CSMD1: variants seen among roughly 807,000 people sequenced by gnomAD.
CSMD1 encodes CUB and Sushi multiple domains 1.
A neutral mutation model predicts 417.5 loss-of-function variants in CSMD1; 213 were observed. The ratio of observed to expected loss-of-function variants is 0.51; its 90% confidence interval spans 0.46 to 0.57. CSMD1 has a LOEUF of 0.57. Among genes scored for constraint, CSMD1 ranks in the 20% least tolerant of loss-of-function variants. The probability of loss-of-function intolerance (pLI) is 0.00; values close to 1 mark genes in which losing one functional copy is unlikely to be tolerated. For missense variants in CSMD1, 6,923 were observed against 4,529.7 expected, an observed-to-expected ratio of 1.53 and a Z score of -15.17; for synonymous variants, 2,862 against 1,736.8, an observed-to-expected ratio of 1.65 and a Z score of -16.11.
intron 12 of CSMD1, among the ~76,000 whole-genome samples, chr8:3,433,156 T>C (rs993350044): frequency 7.2e-5 from 11 of 152,238 alleles, no homozygotes; most frequent in African/African-American, 2.2e-4. Context: ...GGTGGGATTC[T>C]GAAGAAACAA....
intron 2 of CSMD1, among the ~76,000 whole-genome samples, chr8:4,454,994 G>A (rs538346610): frequency 3.9e-5 from 6 of 152,200 alleles, no homozygotes; most frequent in Middle Eastern, 3.4e-3. Flanking sequence ...TAGGAGAAGG[G>A]CTCCTGTGTG....
chr8:3,054,503 A>G (rs773819256), intron 49 of CSMD1, among the ~76,000 whole-genome samples: 2 of 152,208 alleles, frequency 1.3e-5, no homozygotes, highest in Non-Finnish European at 2.9e-5. Flanking sequence ...CTGTTGTCCC[A>G]GCTACTCAGG....
intron 6 of CSMD1, among the ~76,000 whole-genome samples, chr8:3,709,968 A>G (rs567021025): frequency 6.6e-6 from 1 of 151,596 alleles, no homozygotes; most frequent in South Asian, 2.1e-4. Context: ...CAACCCCCAC[A>G]CACAGCTGAA....
intron 3 of CSMD1, among the ~76,000 whole-genome samples, chr8:4,324,174 TA>T (rs1349562517): frequency 2.0e-5 from 3 of 152,192 alleles, no homozygotes; most frequent in Non-Finnish European, 4.4e-5. Flanking sequence ...GGAAATAGTA[TA>T]AAAAATATAG....
Position 3,928,845 on chromosome 8 carries a change from C to G in CSMD1, c.818+69058G>C, listed in dbSNP as rs534961711. 2.7e-4 allele frequency among the ~76,000 whole-genome samples: 37 copies of G among 139,526 alleles called. 2 individuals are homozygous for G. The highest frequency in any genetic ancestry group is 9.0e-4 in the African/African-American group (34 of 37,800). The allele number at this position is 139,526 out of a possible 152,430, so 91.5% of individuals were successfully genotyped here. A position where few individuals can be genotyped will look rare whatever the true frequency, so the allele number is the denominator to read the frequency against. ...CCACCTACCCCAGGTCATGCTGTCACTATACAAGGGTAGGAGAAATGTCAT... is the reference window on the plus strand; with the variant it reads ...CCACCTACCCCAGGTCATGCTGTCAGTATACAAGGGTAGGAGAAATGTCAT... On this transcript the variant is annotated intron_variant, in intron 5 of 69. Coordinates refer to ENST00000635120, the MANE Select transcript of CSMD1 (RefSeq NM_033225.6).
chr8:3,730,997 G>C (rs763702644), intron 6 of CSMD1, among the ~76,000 whole-genome samples: 2 of 152,146 alleles, frequency 1.3e-5, no homozygotes, highest in Non-Finnish European at 2.9e-5. Flanking sequence ...CAAAATTACA[G>C]ATAAAAGTGA....
chr8:4,668,035 C>T (rs1336669702), intron 1 of CSMD1, among the ~76,000 whole-genome samples: 5 of 152,088 alleles, frequency 3.3e-5, no homozygotes, highest in Non-Finnish European at 5.9e-5. Context: ...CATGAAATAC[C>T]TCATCTCTTA....
intron 50 of CSMD1, among the ~76,000 whole-genome samples, chr8:3,034,056 C>T (rs1019120523): frequency 3.9e-5 from 6 of 152,242 alleles, no homozygotes; most frequent in Admixed American, 3.3e-4. Flanking sequence ...CTTTTTCTAT[C>T]AGTGCTGCTG....
intron 1 of CSMD1, among the ~76,000 whole-genome samples, chr8:4,977,950 C>T (rs1810660774): frequency 1.3e-5 from 2 of 152,206 alleles, no homozygotes. Flanking sequence ...CTATTTGTTG[C>T]TGAGGGTCCT....
intron 5 of CSMD1, among the ~76,000 whole-genome samples, chr8:3,848,740 C>G (rs1407325554): frequency 1.3e-5 from 2 of 152,056 alleles, no homozygotes; most frequent in East Asian, 1.9e-4. Context: ...TTAGGTGGTC[C>G]TGAACTACAT....
chr8:3,828,786 C>A (rs1303848489), intron 5 of CSMD1, among the ~76,000 whole-genome samples: 3 of 152,144 alleles, frequency 2.0e-5, no homozygotes, highest in Admixed American at 1.3e-4. Flanking sequence ...TCCCAAGCAT[C>A]CTTCCACTGC....
chr8:3,709,690 T>TTGTTTTTTTTG (rs1801392407), intron 6 of CSMD1, among the ~76,000 whole-genome samples: 1 of 118,554 alleles, frequency 8.4e-6, no homozygotes, highest in African/African-American at 3.1e-5. Flanking sequence ...GTTTTTTTTT[T>TTGTTTTTTTTG]TTTTTTTTTT....
intron 2 of CSMD1, among the ~76,000 whole-genome samples, chr8:4,527,093 C>A (rs1390124524): frequency 6.6e-6 from 1 of 152,040 alleles, no homozygotes; most frequent in Non-Finnish European, 1.5e-5. Context: ...TTTTCAGAAG[C>A]TTCGGAGGAT....
At chr8:4,008,023 G>C (rs1161276394) in intron 4 of CSMD1, among the ~76,000 whole-genome samples, 1 of 152,158 alleles carries the variant, frequency 6.6e-6, no homozygotes, top group African/African-American at 2.4e-5. Flanking sequence ...GTTTATTTGT[G>C]TGTTTTTGCT....
intron 3 of CSMD1, among the ~76,000 whole-genome samples, chr8:4,377,484 A>G (rs528456903): frequency 5.8e-4 from 88 of 152,228 alleles, no homozygotes; most frequent in Non-Finnish European, 1.0e-3. Context: ...CAATTTGACT[A>G]TATTTTAAAG....
intron 17 of CSMD1, among the ~76,000 whole-genome samples, chr8:3,387,888 T>G (rs1021291693): frequency 4.6e-5 from 7 of 152,226 alleles, no homozygotes; most frequent in African/African-American, 1.4e-4. Flanking sequence ...TATATTGTTA[T>G]GCTGTTTACC....
At chr8:3,741,472 T>C (rs1422488757) in intron 6 of CSMD1, among the ~76,000 whole-genome samples, 5 of 152,228 alleles carry the variant, frequency 3.3e-5, no homozygotes, top group African/African-American at 9.6e-5. Context: ...GTAGCAATTT[T>C]ACATATTTAC....
At chr8:4,431,341 G>A (rs983572051) in intron 2 of CSMD1, among the ~76,000 whole-genome samples, 7 of 152,036 alleles carry the variant, frequency 4.6e-5, no homozygotes, top group Non-Finnish European at 8.8e-5. Flanking sequence ...TGAACCTAAC[G>A]TCTATAAAAT....
intron 5 of CSMD1, among the ~76,000 whole-genome samples, chr8:3,848,801 G>C (rs1046808954): frequency 6.6e-6 from 1 of 151,856 alleles, no homozygotes; most frequent in Non-Finnish European, 1.5e-5. Flanking sequence ...AAAATGATTA[G>C]CAGCGATTTT....
Sources: gnomAD v4.1 joint callset for allele counts (sites outside exome capture counted in the v4.1 genomes callset) on GRCh38, gnomAD v4.1.1 for gene constraint, MANE v1.5 for transcripts, NCBI Gene and HGNC (gene_info 2026-07-23, HGNC 2026-07-21) for gene names.